COQ8A: variants seen among roughly 807,000 people sequenced by gnomAD.
COQ8A encodes coenzyme Q8A, also known as atypical kinase COQ8A, mitochondrial.
In COQ8A, 51 loss-of-function variants were observed where a neutral mutation model predicts 65.0. The ratio of observed to expected loss-of-function variants is 0.78; its 90% CI spans 0.63 to 0.99. The LOEUF (loss-of-function observed/expected upper bound fraction) is 0.99, where lower values mean the gene tolerates loss of function less well. Ranked by LOEUF, COQ8A falls within the 50% of genes least tolerant of loss-of-function variation. The pLI, the probability that COQ8A is intolerant of heterozygous loss-of-function variation, is 0.00. For synonymous variants in COQ8A, 371 were observed against 353.2 expected (o/e 1.05, Z -0.57); for missense variants, 940 against 875.0 (o/e 1.07, Z -0.94).
intron 5 of COQ8A, among the ~76,000 whole-genome samples, chr1:226,980,928 CTT>C (rs992999829): frequency 6.6e-6 from 1 of 152,268 alleles, no homozygotes; most frequent in African/African-American, 2.4e-5. Context: ...TCACCTCTCT[CTT>C]CCCCTGCTGG....
chr1:226,977,499 A>G lies in COQ8A; in HGVS notation c.706A>G (p.Ser236Gly), dbSNP rs1279818908. 1 of 1,566,074 alleles carries G rather than the reference A, an allele frequency of 6.4e-7. No homozygotes were observed. The highest frequency in any genetic ancestry group is 1.3e-5 in the African/African-American group (1 of 74,346). ...FGALAEVAKKSLRSEDPSGKK... is the reference protein window; with the variant it reads ...FGALAEVAKKGLRSEDPSGKK... ...GGCACTGGCAGAGGTCGCCAAGAAG[A>G]GCCTGCGCTCCGAGGACCCCTCAGG... Residue 236 changes from serine to glycine, a missense_variant, in exon 5 of 15, where the codon AGC becomes GGC. Physicochemically the swap from Ser to Gly is moderately conservative, Grantham distance 56. Transcript: ENST00000366777.
At chr1:226,982,219 G>C in intron 6 of COQ8A, 70 bp downstream of exon 6, 1 of 1,531,320 alleles carries the variant, frequency 6.5e-7, no homozygotes. Flanking sequence ...CCAGGGCCGG[G>C]AGCAGTGGCC....
chr1:226,978,730 TACCTGCACA>T (rs1659480083), intron 5 of COQ8A, among the ~76,000 whole-genome samples: 1 of 66,478 alleles, frequency 1.5e-5, no homozygotes, highest in Non-Finnish European at 4.3e-5. Context: ...ACCCACCTCA[TACCTGCACA>T]CCTCCTTACA....
chr1:226,965,607 G>A, intron 3 of COQ8A, 64 bp from the exon 4 acceptor site: 2 of 1,569,834 alleles, frequency 1.3e-6, no homozygotes, highest in Admixed American at 1.7e-5. Context: ...GGCAACAGGA[G>A]CCTCTGAAGG....
intron 11 of COQ8A, 22 bp from the exon 12 acceptor site, chr1:226,984,526 A>C (rs1213306638): frequency 1.3e-6 from 2 of 1,594,162 alleles, no homozygotes; most frequent in East Asian, 4.5e-5. Flanking sequence ...TGCCTGACAC[A>C]GACCCTTCGC....
chr1:226,947,817 A>C (rs535051126), intron 1 of COQ8A, among the ~76,000 whole-genome samples: 290 of 142,448 alleles, frequency 2.0e-3, no homozygotes, highest in African/African-American at 6.9e-3. Flanking sequence ...ATATATATAT[A>C]TCTATCTGCC....
intron 5 of COQ8A, among the ~76,000 whole-genome samples, chr1:226,978,165 G>A (rs548135320): frequency 3.2e-5 from 4 of 125,396 alleles, no homozygotes; most frequent in East Asian, 2.6e-4. Context: ...ACACACCCAC[G>A]CACCTTTTTA....
rs201334858 is a variant in COQ8A, at chr1:226,982,945, T to C, written c.991T>C (p.Phe331Leu). Residue 331 changes from phenylalanine to leucine, a missense_variant, in exon 8 of 15, where the codon TTC (phenylalanine) becomes CTC (leucine). Coordinates refer to ENST00000366777, the MANE Select transcript of COQ8A (RefSeq NM_020247.5). ...CAACTGGCGGGACAAGTTGGAATACTTCGAGGAGCGGCCCTTCGCCGCCGC... is the reference window on the plus strand; with the variant it reads ...CAACTGGCGGGACAAGTTGGAATACCTCGAGGAGCGGCCCTTCGCCGCCGC... ...GPNWRDKLEY[F>L]EERPFAAASI... 2.5e-6 allele frequency: 4 copies of C among 1,610,520 alleles called. No individual in the cohort carries two copies. The Admixed American group carries it at 6.7e-5, about 27-fold the overall frequency.
chr1:226,978,021 A>G (rs149219460), intron 5 of COQ8A, among the ~76,000 whole-genome samples: 1 of 136,846 alleles, frequency 7.3e-6, no homozygotes, highest in East Asian at 2.2e-4. Flanking sequence ...CACCCACCGA[A>G]CACCCACAGA....
At chr1:226,957,883 A>G (rs1165987235) in intron 1 of COQ8A, among the ~76,000 whole-genome samples, 1 of 152,152 alleles carries the variant, frequency 6.6e-6, no homozygotes, top group Non-Finnish European at 1.5e-5. Context: ...TGTCTCCAGC[A>G]TGAGTGAGAC....
At chr1:226,954,495 CCTG>C (rs1657571810) in intron 1 of COQ8A, among the ~76,000 whole-genome samples, 1 of 152,252 alleles carries the variant, frequency 6.6e-6, no homozygotes, top group African/African-American at 2.4e-5. Context: ...CCACCCCAGA[CCTG>C]CTGAGACGGA....
chr1:226,968,631 C>T (rs1004962397), intron 4 of COQ8A, among the ~76,000 whole-genome samples: 4 of 152,004 alleles, frequency 2.6e-5, no homozygotes, highest in African/African-American at 4.8e-5. Flanking sequence ...AGTTTTTACA[C>T]GGGGTTATGA....
At chr1:226,961,688 C>CTA in intron 2 of COQ8A, 126 bp downstream of exon 2, 1 of 1,177,500 alleles carries the variant, frequency 8.5e-7, no homozygotes, top group Non-Finnish European at 1.2e-6. Context: ...GGCCCACCAG[C>CTA]TAATGTGTCC....
In COQ8A at chr1:226,944,095, A is replaced by C. The variant is rs1378329014; in HGVS notation, c.-10+3696A>C. On this transcript the variant is annotated intron_variant, in intron 1 of 14. Coordinates refer to ENST00000366777, the MANE Select transcript of COQ8A (RefSeq NM_020247.5). ...TGGAGAAAGAGGAGCTGGGGGAGGAAGCTGAGGAGGTGAGGCCAGAGAGGA... is the reference window on the plus strand; with the variant it reads ...TGGAGAAAGAGGAGCTGGGGGAGGACGCTGAGGAGGTGAGGCCAGAGAGGA... Among the ~76,000 whole-genome samples, 3 of 151,832 alleles carry C rather than the reference A, an allele frequency of 2.0e-5. No homozygotes were observed. The East Asian group carries it at 5.8e-4, about 30-fold the overall frequency.
At position 226,985,350 on chromosome 1, in the gene COQ8A, G is replaced by T. The variant is rs753798561; in HGVS notation, c.1659+10G>T. The T allele has an allele frequency of 6.2e-6, 10 of 1,613,238 alleles. No homozygotes were observed. The highest frequency in any genetic ancestry group is 7.6e-6 in the Non-Finnish European group (9 of 1,179,866). On this transcript the variant is annotated intron_variant, in intron 14 of 14. Coordinates refer to ENST00000366777, the MANE Select transcript of COQ8A (RefSeq NM_020247.5). Reference sequence around the variant, plus strand: ...CGGCTACGAGGTCAAGGTGAGCAGGGTTGCGGGGGATCCCCTGGGCCTGCT... The same window carrying T: ...CGGCTACGAGGTCAAGGTGAGCAGGTTTGCGGGGGATCCCCTGGGCCTGCT...
chr1:226,960,748 T>C (rs1241345218), intron 1 of COQ8A, among the ~76,000 whole-genome samples: 2 of 152,026 alleles, frequency 1.3e-5, no homozygotes, highest in Non-Finnish European at 2.9e-5. Context: ...AACATTGGTT[T>C]GGTGAATAGT....
intron 1 of COQ8A, among the ~76,000 whole-genome samples, chr1:226,951,984 A>G (rs1469552754): frequency 6.6e-6 from 1 of 152,224 alleles, no homozygotes; most frequent in Non-Finnish European, 1.5e-5. Flanking sequence ...TTGTTGCAAA[A>G]GATGTGGTCA....
In COQ8A at chr1:226,984,818, C is replaced by T. The variant is rs1157105741; in HGVS notation, c.1507-58C>T. On this transcript the variant is annotated intron_variant, in intron 12 of 14. Transcript: ENST00000366777. ...CTCTGTTGCACCCCCTTCCCGGCCC[C>T]ACACACCCGCACCATGGAGCACCAG... The T allele has an allele frequency of 4.4e-6, 7 of 1,588,642 alleles. No homozygotes were observed. The South Asian group carries it at 7.7e-5, about 18-fold the overall frequency.
chr1:226,960,285 TTGGTGGTGGTACTTGG>T (rs1291714029), intron 1 of COQ8A, among the ~76,000 whole-genome samples: 3 of 101,504 alleles, frequency 3.0e-5, no homozygotes, highest in African/African-American at 9.2e-5. Flanking sequence ...GCGGTGGTAC[TTGGTGGTGGTACTTGG>T]TGGTGGTGGC....
Sources: allele counts gnomAD v4.1 joint callset (sites outside exome capture counted in the v4.1 genomes callset), GRCh38; gene constraint gnomAD v4.1.1; transcripts MANE v1.5; gene names NCBI Gene and HGNC (gene_info 2026-07-23, HGNC 2026-07-21).